ROBO1: variants seen among roughly 807,000 people sequenced by gnomAD.
ROBO1 encodes roundabout guidance receptor 1.
A neutral mutation model predicts 195.9 loss-of-function variants in ROBO1; 149 were observed. The ratio of observed to expected loss-of-function variants is 0.76; its 90% CI spans 0.67 to 0.87. The LOEUF (loss-of-function observed/expected upper bound fraction) is 0.87, where lower values mean the gene tolerates loss of function less well. Ranked by LOEUF, ROBO1 falls within the 40% of genes least tolerant of loss-of-function variation. The pLI is 0.00. For missense variants in ROBO1, 1,933 were observed against 2,068.3 expected (o/e 0.93, Z 1.27); for synonymous variants, 816 against 733.2 (o/e 1.11, Z -1.82).
chr3:79,432,079 A>G (rs537704824), intron 2 of ROBO1, among the ~76,000 whole-genome samples: 1 of 152,246 alleles, frequency 6.6e-6, no homozygotes, highest in African/African-American at 2.4e-5. Context: ...TTAGCTGATA[A>G]TCCTAATTAG....
intron 3 of ROBO1, among the ~76,000 whole-genome samples, chr3:78,948,001 T>C (rs1379510143): frequency 1.3e-5 from 2 of 152,066 alleles, no homozygotes; most frequent in East Asian, 3.9e-4. Flanking sequence ...AATAGACCAA[T>C]AACAGGCTCT....
At chr3:79,367,278 G>T (rs1365534383) in intron 2 of ROBO1, among the ~76,000 whole-genome samples, 2 of 152,042 alleles carry the variant, frequency 1.3e-5, no homozygotes, top group African/African-American at 4.8e-5. Flanking sequence ...CAGTTTGAAT[G>T]GAATCAGGGA....
At chr3:78,972,615 A>G (rs953863017) in intron 3 of ROBO1, among the ~76,000 whole-genome samples, 2 of 152,324 alleles carry the variant, frequency 1.3e-5, no homozygotes, top group Middle Eastern at 3.4e-3. Flanking sequence ...GGTTTAAAAG[A>G]TTATTAAAAT....
At chr3:78,748,415 A>G (rs1488422877) in intron 4 of ROBO1, among the ~76,000 whole-genome samples, 1 of 150,432 alleles carries the variant, frequency 6.6e-6, no homozygotes, top group Non-Finnish European at 1.5e-5. Flanking sequence ...ATTGCACGCC[A>G]GCCTCTGTCT....
chr3:79,615,176 A>C (rs1576120676), intron 1 of ROBO1, among the ~76,000 whole-genome samples: 1 of 152,154 alleles, frequency 6.6e-6, no homozygotes, highest in Non-Finnish European at 1.5e-5. Flanking sequence ...TTTCTCTCTG[A>C]AGCCTGCTAC....
intron 4 of ROBO1, among the ~76,000 whole-genome samples, chr3:78,819,474 T>A (rs1666928464): frequency 6.6e-6 from 1 of 151,978 alleles, no homozygotes; most frequent in South Asian, 2.1e-4. Context: ...CCTTTTTTTT[T>A]CTTTTCTCCA....
At chr3:79,556,345 G>A (rs990230717) in intron 2 of ROBO1, among the ~76,000 whole-genome samples, 1 of 152,008 alleles carries the variant, frequency 6.6e-6, no homozygotes, top group Non-Finnish European at 1.5e-5. Flanking sequence ...TTGTTTGAAA[G>A]TATATAAATA....
intron 25 of ROBO1, among the ~76,000 whole-genome samples, chr3:78,627,952 C>CT (rs981176734): frequency 1.7e-5 from 2 of 115,392 alleles, no homozygotes; most frequent in African/African-American, 3.3e-5. Context: ...AGAAAAATTA[C>CT]TCTTTTTTTT....
intron 2 of ROBO1, among the ~76,000 whole-genome samples, chr3:79,237,273 G>T (rs1375041248): frequency 6.6e-6 from 1 of 152,040 alleles, no homozygotes; most frequent in African/African-American, 2.4e-5. Context: ...ACGAGGTCAG[G>T]AGATCGAGAC....
chr3:79,075,101 C>A (rs550003309), intron 3 of ROBO1, among the ~76,000 whole-genome samples: 9 of 151,770 alleles, frequency 5.9e-5, no homozygotes, highest in Non-Finnish European at 7.4e-5. Flanking sequence ...GCCATGATTC[C>A]TCATCATGGC....
chr3:78,799,570 T>C (rs989479078), intron 4 of ROBO1, among the ~76,000 whole-genome samples: 3 of 151,796 alleles, frequency 2.0e-5, no homozygotes, highest in Non-Finnish European at 4.4e-5. Context: ...CTCGATCTCC[T>C]GACCTCGTGA....
intron 2 of ROBO1, among the ~76,000 whole-genome samples, chr3:79,585,712 A>G (rs141558939): frequency 2.0e-5 from 3 of 152,104 alleles, no homozygotes; most frequent in African/African-American, 4.8e-5. Flanking sequence ...TCTGCCTGTT[A>G]GATAATTTGT....
intron 1 of ROBO1, among the ~76,000 whole-genome samples, chr3:79,715,008 A>C (rs987032227): frequency 6.6e-6 from 1 of 151,956 alleles, no homozygotes; most frequent in Non-Finnish European, 1.5e-5. Flanking sequence ...TAATAATAAA[A>C]TTTTTTAAAA....
chr3:79,631,588 T>C (rs994446016), intron 1 of ROBO1, among the ~76,000 whole-genome samples: 1 of 152,154 alleles, frequency 6.6e-6, no homozygotes, highest in Non-Finnish European at 1.5e-5. Context: ...AAAAAATTTA[T>C]GACTTGGCCT....
At chr3:78,681,379 G>T (rs1390748424) in intron 10 of ROBO1, among the ~76,000 whole-genome samples, 1 of 152,080 alleles carries the variant, frequency 6.6e-6, no homozygotes, top group Non-Finnish European at 1.5e-5. Flanking sequence ...AGGCATTCTG[G>T]TTGGATAGTA....
In ROBO1 at chr3:79,002,802, A is replaced by G. The variant is rs759977180; in HGVS notation, c.173-63875T>C. ...AAACAGTGTCTCGGGATTCAAAAAC[A>G]TTTTCAACAAGTGAAGTTTGCAGCT... On this transcript the variant is annotated intron_variant, in intron 3 of 30. Coordinates refer to ENST00000464233, the MANE Select transcript of ROBO1 (RefSeq NM_002941.4). Among the ~76,000 whole-genome samples the G allele has an allele frequency of 4.1e-4, 63 of 152,164 alleles. No homozygotes were observed. In the Middle Eastern group the frequency reaches 0.01, roughly 25 times the overall value.
At chr3:79,623,972 A>C (rs1945090159) in intron 1 of ROBO1, among the ~76,000 whole-genome samples, 1 of 152,254 alleles carries the variant, frequency 6.6e-6, no homozygotes, top group Non-Finnish European at 1.5e-5. Flanking sequence ...CTACAAAGGG[A>C]AGCTCATTAG....
At chr3:78,966,710 T>C (rs925196705) in intron 3 of ROBO1, among the ~76,000 whole-genome samples, 1 of 152,232 alleles carries the variant, frequency 6.6e-6, no homozygotes, top group Admixed American at 6.5e-5. Flanking sequence ...ACATTTCTTA[T>C]AGAGCTCCAT....
At chr3:79,277,434 T>G (rs2031132307) in intron 2 of ROBO1, among the ~76,000 whole-genome samples, 1 of 151,976 alleles carries the variant, frequency 6.6e-6, no homozygotes, top group African/African-American at 2.4e-5. Flanking sequence ...ATTTAACTCA[T>G]GGAACTAGAG....
Sources: allele counts gnomAD v4.1 joint callset (sites outside exome capture counted in the v4.1 genomes callset), GRCh38; gene constraint gnomAD v4.1.1; transcripts MANE v1.5; gene names NCBI Gene and HGNC (gene_info 2026-07-23, HGNC 2026-07-21).